Variants in OCA2 observed in about 807,000 individuals in gnomAD.
OCA2 encodes the protein P protein.
In OCA2, 77 loss-of-function variants were observed where a neutral mutation model predicts 100.2. That is an observed-to-expected ratio of 0.77 (90% CI 0.64 to 0.93). OCA2 has a LOEUF of 0.93. OCA2 is among the 40% of genes least tolerant of loss of function. OCA2 has a pLI of 0.00. For synonymous variants in OCA2, 432 were observed against 439.2 expected (o/e 0.98, Z 0.21); for missense variants, 1,062 against 1,089.1 (o/e 0.98, Z 0.35).
chr15:27,825,840 G>C (rs544512588), intron 23 of OCA2, among the ~76,000 whole-genome samples: 1 of 152,202 alleles, frequency 6.6e-6, no homozygotes, highest in East Asian at 1.9e-4. Context: ...GAAGGCAGCC[G>C]GCCAGGACCA....
Position 27,798,963 on chromosome 15 carries a change from C to A in OCA2, c.2433-43491G>T, listed in dbSNP as rs377002819. On this transcript the variant is annotated intron_variant, in intron 23 of 23. Coordinates refer to ENST00000354638, the MANE Select transcript of OCA2 (RefSeq NM_000275.3). The stretch of plus-strand genomic sequence containing the variant: ...TGAGCACAACCCAGATGGGCTGTTA[C>A]ATAAAGAGAGAGACCAGCTGCAGGT... 1.0e-3 allele frequency among the ~76,000 whole-genome samples: 153 copies of A among 152,300 alleles called. 1 individual carries two copies. Among genetic ancestry groups the A allele is most frequent in the South Asian group, 3.3e-3 (16 of 4,826 alleles).
intron 18 of OCA2, among the ~76,000 whole-genome samples, chr15:27,946,552 T>C (rs2039844654): frequency 6.6e-6 from 1 of 152,250 alleles, no homozygotes; most frequent in South Asian, 2.1e-4. Flanking sequence ...AAGTTTGTTC[T>C]GACCATGAGG....
intron 23 of OCA2, among the ~76,000 whole-genome samples, chr15:27,810,878 T>C (rs2034049315): frequency 6.6e-6 from 1 of 152,190 alleles, no homozygotes; most frequent in Non-Finnish European, 1.5e-5. Flanking sequence ...ACAATAGATG[T>C]TGATGTGGAT....
intron 21 of OCA2, among the ~76,000 whole-genome samples, chr15:27,861,409 G>T (rs1311901136): frequency 6.6e-6 from 1 of 152,178 alleles, no homozygotes; most frequent in African/African-American, 2.4e-5. Context: ...CCCAGGAGAG[G>T]TTGCTGTGGA....
the OCA2 span, among the ~76,000 whole-genome samples, chr15:27,724,695 G>A: frequency 3.3e-5 from 5 of 152,046 alleles, no homozygotes; most frequent in Non-Finnish European, 5.9e-5. Flanking sequence ...CTGCTTTAGG[G>A]CCCTAGTCTT....
intron 6 of OCA2, among the ~76,000 whole-genome samples, chr15:28,021,898 G>T (rs1315196214): frequency 1.3e-5 from 2 of 152,180 alleles, no homozygotes; most frequent in African/African-American, 2.4e-5. Flanking sequence ...AATTCTGAGT[G>T]TCTAGTGCAC....
chr15:28,019,048 T>C (rs572617555), intron 6 of OCA2, among the ~76,000 whole-genome samples: 62 of 152,228 alleles, frequency 4.1e-4, no homozygotes, highest in African/African-American at 1.4e-3. Context: ...CTGTCCTTCG[T>C]GTCTAATCTG....
At chr15:28,059,825 C>T (rs767504911) in intron 2 of OCA2, among the ~76,000 whole-genome samples, 3 of 152,288 alleles carry the variant, frequency 2.0e-5, no homozygotes, top group South Asian at 4.1e-4. Context: ...TAAATATAAC[C>T]GGCCGCTAGT....
intron 9 of OCA2, among the ~76,000 whole-genome samples, chr15:27,998,099 A>C (rs1359962068): frequency 1.4e-5 from 2 of 148,020 alleles, no homozygotes; most frequent in Admixed American, 1.4e-4. Context: ...AAAACCCTAG[A>C]AGAAAACCTA....
chr15:27,949,385 G>A (rs941133253), intron 18 of OCA2, among the ~76,000 whole-genome samples: 7 of 152,136 alleles, frequency 4.6e-5, no homozygotes, highest in African/African-American at 9.7e-5. Flanking sequence ...ACTTCTGGCC[G>A]GGCATAGTAG....
At chr15:27,968,322 AC>A (rs2040649098) in intron 14 of OCA2, among the ~76,000 whole-genome samples, 1 of 151,280 alleles carries the variant, frequency 6.6e-6, no homozygotes, top group African/African-American at 2.4e-5. Context: ...GGTCAGAGGC[AC>A]AGTGACAATG....
intron 23 of OCA2, among the ~76,000 whole-genome samples, chr15:27,762,181 C>T (rs2030893114): frequency 6.6e-6 from 1 of 152,090 alleles, no homozygotes; most frequent in Non-Finnish European, 1.5e-5. Flanking sequence ...ATCCCTCACC[C>T]TCTCCCACCC....
chr15:27,916,089 G>A (rs1255465181), intron 19 of OCA2, among the ~76,000 whole-genome samples: 1 of 152,120 alleles, frequency 6.6e-6, no homozygotes, highest in Non-Finnish European at 1.5e-5. Context: ...ACTAATGCAG[G>A]AACAGAAAAC....
At chr15:27,739,816 A>G in the OCA2 span, among the ~76,000 whole-genome samples, 2 of 152,194 alleles carry the variant, frequency 1.3e-5, no homozygotes, top group Non-Finnish European at 2.9e-5. Flanking sequence ...TAAATCCCAT[A>G]TCTTCCTCAT....
intron 2 of OCA2, among the ~76,000 whole-genome samples, chr15:28,033,180 A>G (rs755560604): frequency 6.6e-6 from 1 of 152,236 alleles, no homozygotes; most frequent in African/African-American, 2.4e-5. Context: ...TAAAGGACAC[A>G]TGATGTTAAA....
intron 23 of OCA2, among the ~76,000 whole-genome samples, chr15:27,826,228 A>G (rs2034716654): frequency 6.6e-6 from 1 of 152,208 alleles, no homozygotes; most frequent in South Asian, 2.1e-4. Flanking sequence ...GTTGTGTATC[A>G]GGCAGTTTTC....
At chr15:27,983,719 G>A (rs1286155750) in intron 13 of OCA2, among the ~76,000 whole-genome samples, 6 of 151,928 alleles carry the variant, frequency 3.9e-5, no homozygotes, top group Non-Finnish European at 7.4e-5. Context: ...CCAAACCCTC[G>A]GTGTGGTCAG....
intron 3 of OCA2, 63 bp from the exon 4 acceptor site, chr15:28,028,122 C>T (rs2042811277): frequency 6.3e-7 from 1 of 1,577,350 alleles, no homozygotes; most frequent in South Asian, 1.1e-5. Flanking sequence ...AGCAAGCTTT[C>T]CTCTGAGTTC....
At chr15:28,074,403 G>A (rs1248927100) in intron 2 of OCA2, among the ~76,000 whole-genome samples, 1 of 152,028 alleles carries the variant, frequency 6.6e-6, no homozygotes, top group African/African-American at 2.4e-5. Context: ...GGCCGGGCGC[G>A]GTGGCTCACG....
Sources: allele counts gnomAD v4.1 joint callset (sites outside exome capture counted in the v4.1 genomes callset), GRCh38; gene constraint gnomAD v4.1.1; transcripts MANE v1.5; gene names NCBI Gene and HGNC (gene_info 2026-07-23, HGNC 2026-07-21).